Variants in PPM1E observed in about 807,000 individuals in gnomAD.
PPM1E encodes protein phosphatase 1E.
Under a neutral mutation model 65.9 loss-of-function variants are expected in PPM1E, and 20 were observed. That is an observed-to-expected ratio of 0.30 (90% CI 0.21 to 0.44). PPM1E has a LOEUF of 0.44. Among genes scored for constraint, PPM1E ranks in the 20% least tolerant of loss-of-function variants. PPM1E has a pLI of 1.00. For missense variants in PPM1E, 713 were observed against 953.1 expected, an observed-to-expected ratio of 0.75 and a Z score of 3.32; for synonymous variants, 352 against 374.9, an observed-to-expected ratio of 0.94 and a Z score of 0.70.
At chr17:58,947,551 T>C (rs1202525713) in intron 1 of PPM1E, among the ~76,000 whole-genome samples, 1 of 151,194 alleles carries the variant, frequency 6.6e-6, no homozygotes, top group African/African-American at 2.4e-5. Flanking sequence ...TTTTTTTTTT[T>C]TCACTTATTT....
At chr17:58,978,604 C>T (rs1034689016) in intron 6 of PPM1E, among the ~76,000 whole-genome samples, 1 of 151,966 alleles carries the variant, frequency 6.6e-6, no homozygotes, top group African/African-American at 2.4e-5. Context: ...CCAGCTACTC[C>T]GGAGGCGGAG....
chr17:58,782,568 ATT>A (rs75113458), intron 1 of PPM1E, among the ~76,000 whole-genome samples: 2 of 141,548 alleles, frequency 1.4e-5, no homozygotes, highest in Non-Finnish European at 3.1e-5. Context: ...CGCCTGGCTA[ATT>A]TTTTTTTTTT....
At chr17:58,836,026 T>G (rs1478462686) in intron 1 of PPM1E, 1 of 152,096 alleles carries the variant, frequency 6.6e-6, no homozygotes, top group Non-Finnish European at 1.5e-5. Context: ...CTTAGAACAG[T>G]CAAGTAATTA....
intron 1 of PPM1E, among the ~76,000 whole-genome samples, chr17:58,800,317 T>C (rs2050246976): frequency 1.3e-5 from 2 of 152,192 alleles, no homozygotes; most frequent in Non-Finnish European, 2.9e-5. Context: ...AGATTCAATT[T>C]GGTACTATTT....
chr17:58,847,654 T>C (rs375481743), intron 1 of PPM1E, among the ~76,000 whole-genome samples: 3 of 152,228 alleles, frequency 2.0e-5, no homozygotes, highest in Admixed American at 6.5e-5. Context: ...ACCAGTACCA[T>C]GCTGTTTTGG....
At chr17:58,767,995 GGC>G (rs2049899705) in intron 1 of PPM1E, among the ~76,000 whole-genome samples, 1 of 151,956 alleles carries the variant, frequency 6.6e-6, no homozygotes, top group Admixed American at 6.6e-5. Flanking sequence ...CTGTTACCCA[GGC>G]TGGAGTGCAG....
chr17:58,814,799 G>A (rs936124091), intron 1 of PPM1E, among the ~76,000 whole-genome samples: 6 of 152,188 alleles, frequency 3.9e-5, no homozygotes, highest in African/African-American at 1.4e-4. Context: ...GTAAACAAAT[G>A]GGTATAGCTG....
intron 1 of PPM1E, among the ~76,000 whole-genome samples, chr17:58,901,787 A>C (rs950773690): frequency 6.6e-6 from 1 of 151,662 alleles, no homozygotes; most frequent in African/African-American, 2.4e-5. Context: ...GACCAGCCTG[A>C]CCAACATAGA....
intron 1 of PPM1E, among the ~76,000 whole-genome samples, chr17:58,929,720 AT>A (rs1474293563): frequency 1.3e-5 from 2 of 152,140 alleles, no homozygotes; most frequent in East Asian, 3.8e-4. Context: ...CTCAGAAACA[AT>A]TTTTTTCCTT....
At chr17:58,970,913 C>T (rs1173510358) in intron 4 of PPM1E, among the ~76,000 whole-genome samples, 1 of 152,020 alleles carries the variant, frequency 6.6e-6, no homozygotes, top group African/African-American at 2.4e-5. Context: ...TTCACTCTGT[C>T]TTCTTCATCC....
At chr17:58,787,779 C>T (rs1405514925) in intron 1 of PPM1E, among the ~76,000 whole-genome samples, 1 of 151,278 alleles carries the variant, frequency 6.6e-6, no homozygotes, top group African/African-American at 2.4e-5. Context: ...TGGTGGCAGG[C>T]GCCTGTAGTC....
intron 1 of PPM1E, among the ~76,000 whole-genome samples, chr17:58,891,659 A>G (rs1474002132): frequency 1.3e-5 from 2 of 152,040 alleles, no homozygotes; most frequent in African/African-American, 4.8e-5. Flanking sequence ...TCTTAATTCA[A>G]AATTGCAGAC....
At chr17:58,937,380 C>T (rs2143589565) in intron 1 of PPM1E, among the ~76,000 whole-genome samples, 1 of 149,372 alleles carries the variant, frequency 6.7e-6, no homozygotes, top group African/African-American at 2.4e-5. Context: ...TCTCCTGCCT[C>T]AGCCTCCCCA....
intron 1 of PPM1E, among the ~76,000 whole-genome samples, chr17:58,773,922 G>A (rs2049965600): frequency 6.6e-6 from 1 of 152,110 alleles, no homozygotes; most frequent in East Asian, 1.9e-4. Flanking sequence ...AGCACTTTGG[G>A]AGGCTGAGAC....
At chr17:58,934,082 C>T (rs1454698655) in intron 1 of PPM1E, among the ~76,000 whole-genome samples, 7 of 106,754 alleles carry the variant, frequency 6.6e-5, no homozygotes, top group South Asian at 3.2e-4. Context: ...AGCAAGACTT[C>T]GTATCAAAAA....
Position 58,835,555 on chromosome 17 carries a change from C to T in PPM1E, c.464+79094C>T, listed in dbSNP as rs781439309. Among the ~76,000 whole-genome samples, 115 of 152,008 alleles carry T rather than the reference C, an allele frequency of 7.6e-4. 2 individuals carry two copies. The highest frequency in any genetic ancestry group is 2.1e-4 in the South Asian group (1 of 4,814). On this transcript the variant is annotated intron_variant, in intron 1 of 6. Coordinates refer to ENST00000308249, the MANE Select transcript of PPM1E (RefSeq NM_014906.5). ...ATATTTTTGACTGAGTTCAGTGGCT[C>T]GCACCTGTAATCCCAGCATTTAGGA...
rs1053432023 is a variant in PPM1E, at chr17:58,884,323, A to G, written c.465-71326A>G. Among the ~76,000 whole-genome samples the G allele has an allele frequency of 2.6e-5, 4 of 152,074 alleles. No individual in the cohort carries two copies. In the East Asian group the frequency reaches 7.7e-4, roughly 29 times the overall value. Reference sequence around the variant, plus strand: ...ATGCCTTTAGAAAATTCTGTGGTATATATTGCTTTCCTCACTGCCAGTTTA... The same window carrying G: ...ATGCCTTTAGAAAATTCTGTGGTATGTATTGCTTTCCTCACTGCCAGTTTA... On this transcript the variant is annotated intron_variant, in intron 1 of 6. Coordinates refer to ENST00000308249, the MANE Select transcript of PPM1E (RefSeq NM_014906.5).
At chr17:58,919,212 GAAAA>G (rs2051721043) in intron 1 of PPM1E, among the ~76,000 whole-genome samples, 1 of 152,114 alleles carries the variant, frequency 6.6e-6, no homozygotes, top group Non-Finnish European at 1.5e-5. Context: ...AGAGAAGGAA[GAAAA>G]CCATAAGAGA....
chr17:58,900,942 A>C (rs1440825608), intron 1 of PPM1E, among the ~76,000 whole-genome samples: 1 of 152,158 alleles, frequency 6.6e-6, no homozygotes. Flanking sequence ...GTACCTTACA[A>C]CTATCCTTTG....
Sources: gnomAD v4.1 joint callset for allele counts (sites outside exome capture counted in the v4.1 genomes callset) on GRCh38, gnomAD v4.1.1 for gene constraint, MANE v1.5 for transcripts, NCBI Gene and HGNC (gene_info 2026-07-23, HGNC 2026-07-21) for gene names.